Variants in NKAIN3 observed in about 807,000 individuals in gnomAD.
The protein encoded by NKAIN3 is sodium/potassium-transporting ATPase subunit beta-1-interacting protein 3.
Under a neutral mutation model 30.2 loss-of-function variants are expected in NKAIN3, and 25 were observed. The observed-to-expected ratio is 0.83, with a 90% CI of 0.60 to 1.16. NKAIN3 has a LOEUF of 1.16. NKAIN3 is among the 50% of genes most tolerant of loss of function. The pLI is 0.00. For synonymous variants in NKAIN3, 91 were observed against 89.6 expected (o/e 1.02, Z -0.09); for missense variants, 225 against 254.1 (o/e 0.89, Z 0.78).
chr8:62,904,195 G>A (rs955052060), intron 4 of NKAIN3, among the ~76,000 whole-genome samples: 1 of 152,096 alleles, frequency 6.6e-6, no homozygotes, highest in South Asian at 2.1e-4. Context: ...TTGCTATGAG[G>A]GTTGGAACAC....
intron 1 of NKAIN3, among the ~76,000 whole-genome samples, chr8:62,570,270 A>G (rs1809889293): frequency 6.6e-6 from 1 of 152,338 alleles, no homozygotes; most frequent in South Asian, 2.1e-4. Flanking sequence ...TGAAGTTTTC[A>G]TAGCTCTTTA....
chr8:62,486,398 T>C (rs900039544), intron 1 of NKAIN3, among the ~76,000 whole-genome samples: 4 of 151,114 alleles, frequency 2.6e-5, no homozygotes, highest in Admixed American at 6.5e-5. Context: ...TCACAGGATT[T>C]CTTTCTTTTT....
intron 3 of NKAIN3, among the ~76,000 whole-genome samples, chr8:62,698,616 C>G (rs922899637): frequency 2.0e-5 from 3 of 152,168 alleles, no homozygotes. Context: ...ATATACTCTA[C>G]TGTGTACAAC....
At chr8:62,800,932 C>T (rs776165746) in intron 4 of NKAIN3, among the ~76,000 whole-genome samples, 2 of 152,214 alleles carry the variant, frequency 1.3e-5, no homozygotes, top group African/African-American at 2.4e-5. Context: ...GCTTTTCCAA[C>T]GGGCTTAAAA....
At chr8:62,440,071 C>T (rs747356428) in intron 1 of NKAIN3, among the ~76,000 whole-genome samples, 5 of 152,132 alleles carry the variant, frequency 3.3e-5, no homozygotes, top group Non-Finnish European at 5.9e-5. Context: ...TTTGCTTTTA[C>T]TAAAAGGTGC....
chr8:62,253,288 A>G (rs953004749), intron 1 of NKAIN3, among the ~76,000 whole-genome samples: 2 of 152,346 alleles, frequency 1.3e-5, no homozygotes, highest in South Asian at 4.1e-4. Flanking sequence ...ATTGTAGAGA[A>G]CATCTGACTG....
chr8:62,515,151 T>C (rs1746686399), intron 1 of NKAIN3, among the ~76,000 whole-genome samples: 1 of 152,172 alleles, frequency 6.6e-6, no homozygotes, highest in Non-Finnish European at 1.5e-5. Flanking sequence ...AAAACAAAAT[T>C]ATGCTACATT....
At chr8:62,853,719 T>C (rs1400610701) in intron 4 of NKAIN3, among the ~76,000 whole-genome samples, 1 of 152,192 alleles carries the variant, frequency 6.6e-6, no homozygotes, top group African/African-American at 2.4e-5. Context: ...AATTCAGCTC[T>C]GATGTTGGTT....
intron 3 of NKAIN3, among the ~76,000 whole-genome samples, chr8:62,607,513 T>C (rs1394846536): frequency 6.6e-6 from 1 of 152,160 alleles, no homozygotes; most frequent in African/African-American, 2.4e-5. Context: ...AAATGTTGTC[T>C]ATATATTTCT....
chr8:62,310,396 T>C (rs1814391371), intron 1 of NKAIN3, among the ~76,000 whole-genome samples: 1 of 150,594 alleles, frequency 6.6e-6, no homozygotes, highest in Non-Finnish European at 1.5e-5. Context: ...TTTAAAGTCT[T>C]ACAAAGCAAA....
At chr8:62,667,567 A>G (rs1813165932) in intron 3 of NKAIN3, among the ~76,000 whole-genome samples, 1 of 151,598 alleles carries the variant, frequency 6.6e-6, no homozygotes, top group Non-Finnish European at 1.5e-5. Flanking sequence ...TACCTTCCAA[A>G]TGTATCATGA....
At position 62,579,245 on chromosome 8, in the gene NKAIN3, A is replaced by T. The variant is rs372125766; in HGVS notation, c.55-294A>T. 5.3e-5 allele frequency among the ~76,000 whole-genome samples: 8 copies of T among 152,074 alleles called. No individual in the cohort carries two copies. In the East Asian group the frequency reaches 1.4e-3, roughly 26 times the overall value. Reference sequence around the variant, plus strand: ...ACAATGATAAACTTAAAACATAAAAAATCTGTCTGGATTTTCTACTGTAGA... The same window carrying T: ...ACAATGATAAACTTAAAACATAAAATATCTGTCTGGATTTTCTACTGTAGA... On this transcript the variant is annotated intron_variant, in intron 1 of 6. Coordinates refer to ENST00000623646, the MANE Select transcript of NKAIN3 (RefSeq NM_001304533.3).
intron 4 of NKAIN3, among the ~76,000 whole-genome samples, chr8:62,824,903 C>T (rs370993468): frequency 6.6e-6 from 1 of 152,156 alleles, no homozygotes; most frequent in East Asian, 1.9e-4. Flanking sequence ...AATGGCAAAA[C>T]CAGCAGGACA....
intron 1 of NKAIN3, among the ~76,000 whole-genome samples, chr8:62,491,043 G>A (rs574479418): frequency 3.0e-4 from 45 of 152,290 alleles, no homozygotes; most frequent in Admixed American, 1.2e-3. Flanking sequence ...TGATTGACAA[G>A]CATCTTCAGT....
intron 3 of NKAIN3, among the ~76,000 whole-genome samples, chr8:62,648,029 G>C (rs541698806): frequency 6.6e-6 from 1 of 152,232 alleles, no homozygotes; most frequent in South Asian, 2.1e-4. Context: ...AAGTAGGAAA[G>C]AGTGAGGGAC....
intron 1 of NKAIN3, among the ~76,000 whole-genome samples, chr8:62,548,364 C>A (rs1033569382): frequency 1.3e-5 from 2 of 152,186 alleles, no homozygotes; most frequent in African/African-American, 4.8e-5. Context: ...AAATGGTGAT[C>A]AAATATATTT....
intron 1 of NKAIN3, among the ~76,000 whole-genome samples, chr8:62,346,961 C>T (rs187354216): frequency 2.6e-5 from 4 of 152,018 alleles, no homozygotes; most frequent in African/African-American, 4.8e-5. Flanking sequence ...TAATGACAAG[C>T]GACATTTTAA....
At chr8:62,371,569 A>G (rs2129593296) in intron 1 of NKAIN3, among the ~76,000 whole-genome samples, 1 of 152,054 alleles carries the variant, frequency 6.6e-6, no homozygotes, top group African/African-American at 2.4e-5. Flanking sequence ...TATGTTCTGC[A>G]ATATAAATTC....
chr8:62,472,559 G>A (rs1806385727), intron 1 of NKAIN3, among the ~76,000 whole-genome samples: 1 of 152,158 alleles, frequency 6.6e-6, no homozygotes, highest in Non-Finnish European at 1.5e-5. Flanking sequence ...GTCAGGGAGA[G>A]GAGACAGAGA....
Sources: allele counts gnomAD v4.1 joint callset (sites outside exome capture counted in the v4.1 genomes callset), GRCh38; gene constraint gnomAD v4.1.1; transcripts MANE v1.5; gene names NCBI Gene and HGNC (gene_info 2026-07-23, HGNC 2026-07-21).